Variants in SH3RF3 observed in about 807,000 individuals in gnomAD.
The protein encoded by SH3RF3 is E3 ubiquitin-protein ligase SH3RF3.
A neutral mutation model predicts 66.3 loss-of-function variants in SH3RF3; 29 were observed. The ratio of observed to expected loss-of-function variants is 0.44; its 90% CI spans 0.33 to 0.60. The LOEUF is 0.60. Ranked by LOEUF, SH3RF3 falls within the 20% of genes least tolerant of loss-of-function variation. The pLI is 0.04. For synonymous variants in SH3RF3, 583 were observed against 532.0 expected, an observed-to-expected ratio of 1.10 and a Z score of -1.32; for missense variants, 1,194 against 1,190.9, an observed-to-expected ratio of 1.00 and a Z score of -0.04.
rs76907732 is a variant in SH3RF3, at chr2:109,170,948, G to T, written c.573+40835G>T. 3.7e-3 allele frequency among the ~76,000 whole-genome samples: 567 copies of T among 152,298 alleles called. 6 individuals carry two copies. Among genetic ancestry groups the T allele is most frequent in the African/African-American group, 0.013 (527 of 41,560 alleles). ...GTTGCCTGCAGGTAGCCCACACCGGGCTGGGTGCTGAGGCACAGAGGCACA... is the reference window on the plus strand; with the variant it reads ...GTTGCCTGCAGGTAGCCCACACCGGTCTGGGTGCTGAGGCACAGAGGCACA... On this transcript the variant is annotated intron_variant, in intron 1 of 9. Coordinates refer to ENST00000309415, the MANE Select transcript of SH3RF3 (RefSeq NM_001099289.3).
In SH3RF3 at chr2:109,147,195, C is replaced by T. The variant is rs113926209; in HGVS notation, c.573+17082C>T. Among the ~76,000 whole-genome samples, 312 of 152,176 alleles carry T rather than the reference C, an allele frequency of 2.1e-3. 1 individual carries two copies. The highest frequency in any genetic ancestry group is 6.2e-3 in the African/African-American group (256 of 41,504). On this transcript the variant is annotated intron_variant, in intron 1 of 9. Transcript: ENST00000309415. ...CCTCAAGGTGCCTGGGAGAAAAGAC[C>T]GGGATGCCTGGACTTTCTTGGAATT...
At chr2:109,447,620 C>T (rs1451993091) in intron 7 of SH3RF3, among the ~76,000 whole-genome samples, 1 of 152,128 alleles carries the variant, frequency 6.6e-6, no homozygotes, top group Non-Finnish European at 1.5e-5. Context: ...GCCCAGGTCT[C>T]CACTTGGGCC....
In SH3RF3 at chr2:109,345,722, CGTAGACTA is replaced by C. The variant is rs1261204948; in HGVS notation, c.574-1951_574-1944del. Among the ~76,000 whole-genome samples, 10 of 152,174 alleles carry C rather than the reference CGTAGACTA, an allele frequency of 6.6e-5. No individual in the cohort carries two copies. The East Asian group carries it at 1.9e-3, about 29-fold the overall frequency. ...TGTTATATTTAACTTTTAAAGTATT[CGTAGACTA>C]AGTTCTATTAGAACAGGGAACCTTA... On this transcript the variant is annotated intron_variant, in intron 1 of 9. Transcript: ENST00000309415.
intron 8 of SH3RF3, among the ~76,000 whole-genome samples, chr2:109,450,513 C>T (rs1045890012): frequency 6.6e-6 from 1 of 152,124 alleles, no homozygotes; most frequent in Non-Finnish European, 1.5e-5. Flanking sequence ...TTTCTAGTAG[C>T]CACATTTTTA....
chr2:109,262,255 G>A (rs1020221274), intron 1 of SH3RF3, among the ~76,000 whole-genome samples: 2 of 152,202 alleles, frequency 1.3e-5, no homozygotes, highest in African/African-American at 4.8e-5. Flanking sequence ...TTGAAAGCTT[G>A]GAGAGAAACC....
chr2:109,199,597 T>TCAACCCGAGTGCAGG (rs1558953918), intron 1 of SH3RF3, among the ~76,000 whole-genome samples: 2 of 274 alleles, frequency 7.3e-3, no homozygotes, highest in African/African-American at 0.014. Context: ...TGGAATGGAA[T>TCAACCCGAGTGCAGG]GGAATGGAAT....
chr2:109,267,805 G>A (rs1680533047), intron 1 of SH3RF3, among the ~76,000 whole-genome samples: 1 of 152,198 alleles, frequency 6.6e-6, no homozygotes, highest in Admixed American at 6.5e-5. Flanking sequence ...AAGCCCTGTT[G>A]GGGAGGGAGA....
chr2:109,234,022 A>C (rs941995433), intron 1 of SH3RF3, among the ~76,000 whole-genome samples: 1 of 152,190 alleles, frequency 6.6e-6, no homozygotes, highest in African/African-American at 2.4e-5. Flanking sequence ...ATTGACATGA[A>C]GGTTTTTGTG....
At chr2:109,375,130 C>T (rs542999618) in intron 3 of SH3RF3, among the ~76,000 whole-genome samples, 1 of 152,356 alleles carries the variant, frequency 6.6e-6, no homozygotes, top group East Asian at 1.9e-4. Context: ...CACCCACCTG[C>T]CACAGGCATT....
chr2:109,370,808 T>C (rs974080247), intron 2 of SH3RF3, among the ~76,000 whole-genome samples: 1 of 152,198 alleles, frequency 6.6e-6, no homozygotes, highest in African/African-American at 2.4e-5. Flanking sequence ...GTTTCCACTT[T>C]GTGCATTTAT....
At chr2:109,233,067 G>A (rs983553147) in intron 1 of SH3RF3, among the ~76,000 whole-genome samples, 1 of 152,162 alleles carries the variant, frequency 6.6e-6, no homozygotes, top group African/African-American at 2.4e-5. Flanking sequence ...CGGAGCTAGT[G>A]CTTTTGGGCT....
At chr2:109,183,241 A>C (rs1281108686) in intron 1 of SH3RF3, among the ~76,000 whole-genome samples, 1 of 152,210 alleles carries the variant, frequency 6.6e-6, no homozygotes, top group African/African-American at 2.4e-5. Flanking sequence ...CAAAAAGCAC[A>C]TCCTGAGATG....
chr2:109,156,826 T>A lies in SH3RF3; in HGVS notation c.573+26713T>A, dbSNP rs72944087. ...GGCTCTCTGCTGACCTGATTGCCAG[T>A]TTAAAACTAGACCTACTCACAGAAC... On this transcript the variant is annotated intron_variant, in intron 1 of 9. Coordinates refer to ENST00000309415, the MANE Select transcript of SH3RF3 (RefSeq NM_001099289.3). Among the ~76,000 whole-genome samples the A allele has an allele frequency of 8.6e-3, 1,311 of 152,266 alleles. 16 individuals are homozygous for A. The highest frequency in any genetic ancestry group is 0.03 in the African/African-American group (1,251 of 41,538).
At chr2:109,450,031 C>G (rs980052256) in intron 8 of SH3RF3, among the ~76,000 whole-genome samples, 25 of 152,112 alleles carry the variant, frequency 1.6e-4, no homozygotes, top group East Asian at 3.9e-4. Flanking sequence ...ATTCTTTTAG[C>G]CATGAAGTGC....
At chr2:109,278,952 C>G (rs2105337214) in intron 1 of SH3RF3, among the ~76,000 whole-genome samples, 1 of 152,314 alleles carries the variant, frequency 6.6e-6, no homozygotes, top group Non-Finnish European at 1.5e-5. Context: ...TTTGAGCAGT[C>G]AAGAGAAGAC....
At chr2:109,382,733 G>A (rs1675727225) in intron 3 of SH3RF3, among the ~76,000 whole-genome samples, 1 of 152,200 alleles carries the variant, frequency 6.6e-6, no homozygotes, top group African/African-American at 2.4e-5. Flanking sequence ...GGCGAGAGAT[G>A]CAGCCAAGCC....
intron 8 of SH3RF3, among the ~76,000 whole-genome samples, chr2:109,472,412 C>T (rs1678544955): frequency 6.6e-6 from 1 of 152,112 alleles, no homozygotes; most frequent in South Asian, 2.1e-4. Context: ...AAGAGGAAAT[C>T]CAAACCATCC....
Position 109,490,622 on chromosome 2 carries a change from G to T in SH3RF3, c.2166G>T (p.Gly722=), listed in dbSNP as rs1260018647. ...KKSEKKEKKS[G]LLKLLAGAST... is the part of the protein sequence containing the mutation. ...CTCCCCAGAAAGAGAAGAAGAGTGGGCTCCTGAAGCTTCTAGCCGGAGCAT... is the reference window on the plus strand; with the variant it reads ...CTCCCCAGAAAGAGAAGAAGAGTGGTCTCCTGAAGCTTCTAGCCGGAGCAT... Residue 722 remains glycine (G), a synonymous_variant, in exon 9 of 10, where the codon GGG becomes GGT. Coordinates refer to ENST00000309415, the MANE Select transcript of SH3RF3 (RefSeq NM_001099289.3). The T allele has an allele frequency of 6.9e-7, 1 of 1,455,302 alleles. No homozygotes were observed. Among genetic ancestry groups the T allele is most frequent in the Non-Finnish European group, 9.1e-7 (1 of 1,101,722 alleles). The allele number at this position is 1,455,302 out of a possible 1,614,324, so 90.1% of individuals were successfully genotyped here.
intron 1 of SH3RF3, among the ~76,000 whole-genome samples, chr2:109,301,796 A>G (rs1681475748): frequency 6.6e-6 from 1 of 152,226 alleles, no homozygotes; most frequent in South Asian, 2.1e-4. Context: ...GCCCACAGGT[A>G]CCATCCTTCT....
Sources: allele counts gnomAD v4.1 joint callset (sites outside exome capture counted in the v4.1 genomes callset), GRCh38; gene constraint gnomAD v4.1.1; transcripts MANE v1.5; gene names NCBI Gene and HGNC (gene_info 2026-07-23, HGNC 2026-07-21).